The following ANKRD6 variants were observed in gnomAD, a reference collection of about 807,000 sequenced individuals.
The protein encoded by ANKRD6 is ankyrin repeat domain-containing protein 6.
In ANKRD6, 56 loss-of-function variants were observed where a neutral mutation model predicts 82.3. The observed-to-expected ratio is 0.68, with a 90% CI of 0.55 to 0.85. The LOEUF (loss-of-function observed/expected upper bound fraction) is 0.85. Among genes scored for constraint, ANKRD6 ranks in the 40% least tolerant of loss-of-function variants. The pLI is 0.00. For missense variants in ANKRD6, 852 were observed against 907.6 expected, an observed-to-expected ratio of 0.94 and a Z score of 0.79; for synonymous variants, 347 against 352.1, an observed-to-expected ratio of 0.99 and a Z score of 0.16.
intron 1 of ANKRD6, among the ~76,000 whole-genome samples, chr6:89,480,587 T>TA (rs1258369325): frequency 1.3e-5 from 2 of 150,714 alleles, no homozygotes; most frequent in African/African-American, 4.8e-5. Flanking sequence ...TGTATATTTT[T>TA]AAAAAAGATA....
At chr6:89,625,835 G>A (rs1805479021) in intron 13 of ANKRD6, among the ~76,000 whole-genome samples, 1 of 151,250 alleles carries the variant, frequency 6.6e-6, no homozygotes, top group Admixed American at 6.6e-5. Flanking sequence ...CTGGGTTCAA[G>A]CGATTCTCCC....
At chr6:89,529,196 A>G (rs1258153239) in intron 1 of ANKRD6, among the ~76,000 whole-genome samples, 2 of 152,228 alleles carry the variant, frequency 1.3e-5, no homozygotes, top group Admixed American at 1.3e-4. Flanking sequence ...ATGTACATTG[A>G]AAAATCTGTT....
chr6:89,544,249 C>T (rs1784768034), intron 1 of ANKRD6, among the ~76,000 whole-genome samples: 1 of 151,398 alleles, frequency 6.6e-6, no homozygotes, highest in Non-Finnish European at 1.5e-5. Context: ...CATTGTTGTG[C>T]TCAGGCCGCA....
chr6:89,595,825 C>T (rs890228909), intron 2 of ANKRD6, 91 bp from the exon 3 acceptor site: 1 of 969,348 alleles, frequency 1.0e-6, no homozygotes, highest in South Asian at 1.4e-5. Context: ...ATCCGAAAGC[C>T]CCTGTGCAAA....
intron 5 of ANKRD6, among the ~76,000 whole-genome samples, chr6:89,608,694 A>G (rs1383795267): frequency 1.3e-5 from 2 of 152,124 alleles, no homozygotes; most frequent in Admixed American, 6.5e-5. Flanking sequence ...TAAGCAAGCC[A>G]TGCCTTCGTC....
intron 1 of ANKRD6, among the ~76,000 whole-genome samples, chr6:89,541,655 A>G (rs1784465617): frequency 6.6e-6 from 1 of 151,700 alleles, no homozygotes; most frequent in African/African-American, 2.4e-5. Context: ...GCCCCCCAGT[A>G]TGTGTGGCTA....
At chr6:89,473,673 T>C (rs1233116145) in intron 1 of ANKRD6, among the ~76,000 whole-genome samples, 1 of 152,172 alleles carries the variant, frequency 6.6e-6, no homozygotes, top group Non-Finnish European at 1.5e-5. Context: ...GGTGAGAGTT[T>C]AGGCTTAAAA....
At chr6:89,491,706 G>A (rs1778029781) in intron 1 of ANKRD6, among the ~76,000 whole-genome samples, 1 of 151,926 alleles carries the variant, frequency 6.6e-6, no homozygotes, top group South Asian at 2.1e-4. Context: ...GTTAATGGGT[G>A]CAGCACACCA....
intron 1 of ANKRD6, among the ~76,000 whole-genome samples, chr6:89,506,408 G>C (rs556384840): frequency 2.6e-5 from 4 of 152,084 alleles, no homozygotes; most frequent in African/African-American, 7.2e-5. Context: ...TCCACCTCCC[G>C]GGTTCAAGCT....
chr6:89,499,714 C>G (rs1034703758), intron 1 of ANKRD6, among the ~76,000 whole-genome samples: 1 of 152,090 alleles, frequency 6.6e-6, no homozygotes, highest in Admixed American at 6.5e-5. Flanking sequence ...TGATTTAGTC[C>G]TACACAGAGC....
chr6:89,470,679 G>GT (rs747999156), intron 1 of ANKRD6, among the ~76,000 whole-genome samples: 13 of 21,254 alleles, frequency 6.1e-4, no homozygotes, highest in Non-Finnish European at 7.8e-4. Context: ...TGTTTTTTCT[G>GT]TTTTGTTTTG....
chr6:89,610,779 C>T (rs775098680), intron 5 of ANKRD6, among the ~76,000 whole-genome samples: 19 of 138,072 alleles, frequency 1.4e-4, no homozygotes, highest in African/African-American at 3.4e-4. Context: ...TATAAACAAA[C>T]GAAAAAGGAA....
chr6:89,469,084 A>G (rs1377969456), intron 1 of ANKRD6, among the ~76,000 whole-genome samples: 2 of 152,180 alleles, frequency 1.3e-5, no homozygotes, highest in Admixed American at 1.3e-4. Context: ...TTGCAGAGGG[A>G]AGAGAGGAGG....
chr6:89,529,238 A>C (rs912440258), intron 1 of ANKRD6, among the ~76,000 whole-genome samples: 2 of 152,254 alleles, frequency 1.3e-5, no homozygotes, highest in African/African-American at 4.8e-5. Context: ...CAATTATCTT[A>C]GCTAGATTTT....
chr6:89,457,549 A>G (rs866584137), intron 1 of ANKRD6, among the ~76,000 whole-genome samples: 3 of 152,298 alleles, frequency 2.0e-5, no homozygotes, highest in African/African-American at 7.2e-5. Flanking sequence ...TCTCTATCTG[A>G]CTAACAAAAA....
At chr6:89,439,582 T>G (rs574370389) in intron 1 of ANKRD6, among the ~76,000 whole-genome samples, 1 of 152,328 alleles carries the variant, frequency 6.6e-6, no homozygotes, top group Admixed American at 6.5e-5. Flanking sequence ...TTCAGTAATG[T>G]GCACTAATTC....
intron 1 of ANKRD6, among the ~76,000 whole-genome samples, chr6:89,453,749 ATTTTTTAT>A (rs891127413): frequency 4.7e-5 from 7 of 149,024 alleles, no homozygotes; most frequent in African/African-American, 1.7e-4. Flanking sequence ...TAATTTTTGT[ATTTTTTAT>A]TTATTTATTT....
intron 1 of ANKRD6, among the ~76,000 whole-genome samples, chr6:89,492,001 T>C (rs1778075667): frequency 6.6e-6 from 1 of 152,162 alleles, no homozygotes; most frequent in South Asian, 2.1e-4. Flanking sequence ...CATAAAAAAA[T>C]ACATGTTTCC....
intron 1 of ANKRD6, among the ~76,000 whole-genome samples, chr6:89,450,024 C>T (rs1264975460): frequency 1.3e-5 from 2 of 152,128 alleles, no homozygotes; most frequent in East Asian, 1.9e-4. Flanking sequence ...CTGTTACATG[C>T]GACAGAGAAA....
Sources: allele counts gnomAD v4.1 joint callset (sites outside exome capture counted in the v4.1 genomes callset), GRCh38; gene constraint gnomAD v4.1.1; transcripts MANE v1.5; gene names NCBI Gene and HGNC (gene_info 2026-07-23, HGNC 2026-07-21).